OLFM4: variants seen among roughly 807,000 people sequenced by gnomAD.
OLFM4 encodes the protein olfactomedin 4, also known as olfactomedin-4.
OLFM4 carries 22 observed loss-of-function variants against 25.5 expected under a neutral mutation model. That is an observed-to-expected ratio of 0.86 (90% CI 0.62 to 1.23). The LOEUF (loss-of-function observed/expected upper bound fraction) is 1.23, where lower values mean the gene tolerates loss of function less well. Among genes scored for constraint, OLFM4 ranks in the 50% most tolerant of loss-of-function variants. OLFM4 has a pLI of 0.00. For missense variants in OLFM4, 594 were observed against 619.4 expected, an observed-to-expected ratio of 0.96 and a Z score of 0.44; for synonymous variants, 255 against 237.7, an observed-to-expected ratio of 1.07 and a Z score of -0.67.
intron 4 of OLFM4, 75 bp from the exon 5 acceptor site, chr13:53,049,894 C>A: frequency 2.2e-6 from 3 of 1,395,202 alleles, no homozygotes; most frequent in African/African-American, 1.4e-5. Context: ...TCCTTTGGTG[C>A]TTAGGATATT....
intron 4 of OLFM4, among the ~76,000 whole-genome samples, chr13:53,049,477 C>G (rs2138243323): frequency 6.6e-6 from 1 of 152,214 alleles, no homozygotes; most frequent in South Asian, 2.1e-4. Context: ...CTGGGAAAAT[C>G]TTCTCCCTCA....
At chr13:53,040,604 G>A (rs2138236637) in intron 2 of OLFM4, among the ~76,000 whole-genome samples, 1 of 152,318 alleles carries the variant, frequency 6.6e-6, no homozygotes, top group East Asian at 1.9e-4. Flanking sequence ...ATTTAGCAAT[G>A]CCCAGAGACA....
At chr13:53,040,927 A>G (rs1170245943) in intron 2 of OLFM4, among the ~76,000 whole-genome samples, 3 of 152,210 alleles carry the variant, frequency 2.0e-5, no homozygotes, top group Non-Finnish European at 4.4e-5. Context: ...ATAGTAAGAT[A>G]CCATCTCATA....
chr13:53,044,256 G>A (rs116602540), intron 4 of OLFM4, among the ~76,000 whole-genome samples: 104 of 152,276 alleles, frequency 6.8e-4, no homozygotes, highest in African/African-American at 2.4e-3. Flanking sequence ...GCCCTGCAAT[G>A]CATTCCTTCA....
chr13:53,040,465 T>C (rs568128044), intron 2 of OLFM4, among the ~76,000 whole-genome samples: 8 of 152,214 alleles, frequency 5.3e-5, no homozygotes, highest in Non-Finnish European at 1.0e-4. Flanking sequence ...TAATTGTATA[T>C]GGCGATCAAA....
At chr13:53,032,500 A>T (rs954403076) in intron 1 of OLFM4, among the ~76,000 whole-genome samples, 8 of 152,114 alleles carry the variant, frequency 5.3e-5, no homozygotes, top group Admixed American at 5.2e-4. Flanking sequence ...GGCCTCTCTG[A>T]TAGGTTCCTG....
rs373228105 is a variant in OLFM4 at position 53,043,225 on chromosome 13, G to T, written c.691G>T (p.Asp231Tyr). ...TKLKECEASK[D>Y]QNTPVVHPPP... ...GCTGAAAGAGTGTGAGGCCTCTAAA[G>T]ATCAAAACACCCCTGTCGTCCACCC... The change falls in exon 4 of 5, where the codon GAT becomes TAT. Residue 231 changes from aspartate (D) to tyrosine (Y), a missense_variant. Transcript: ENST00000219022. 6.2e-7 allele frequency: 1 copy of T among 1,611,158 alleles called. No individual in the cohort carries two copies. Among genetic ancestry groups the T allele is most frequent in the East Asian group, 2.2e-5 (1 of 44,762 alleles).
intron 4 of OLFM4, among the ~76,000 whole-genome samples, chr13:53,046,094 A>G (rs1015603952): frequency 6.6e-6 from 1 of 152,190 alleles, no homozygotes. Flanking sequence ...GTTGAACAGC[A>G]TATATCCAAC....
chr13:53,050,592 G>T lies in OLFM4; in HGVS notation c.1354G>T (p.Glu452Ter). 1 of 1,614,026 alleles carries T rather than the reference G, an allele frequency of 6.2e-7. No homozygotes were observed. Among genetic ancestry groups the T allele is most frequent in the South Asian group, 1.1e-5 (1 of 91,074 alleles). Residue 452 changes from glutamate to a stop codon, truncating the protein, a stop_gained, in exon 5 of 5, where the codon GAG becomes TAG. Transcript: ENST00000219022. LOFTEE classifies it high-confidence loss of function. ...CCGTACTATGAACACCAGAACAGAA[G>T]AGATTTTTTACTATTATGACACAAA... is the stretch of plus-strand genomic sequence containing the variant. ...ATRTMNTRTE[E>*]IFYYYDTNTG...
intron 1 of OLFM4, among the ~76,000 whole-genome samples, chr13:53,033,301 TA>T (rs1015854067): frequency 1.1e-4 from 16 of 152,132 alleles, no homozygotes; most frequent in South Asian, 4.1e-4. Flanking sequence ...AAACTTTTAT[TA>T]AAAAAAATTG....
rs573373213 is a variant in OLFM4, at chr13:53,040,734, A to G, written c.358-1176A>G. 7.2e-5 allele frequency among the ~76,000 whole-genome samples: 11 copies of G among 152,330 alleles called. No homozygotes were observed. The East Asian group carries it at 2.1e-3, about 29-fold the overall frequency. ...CACAAGAAATGACAATCCAGTCCCA[A>G]ATGCTAACAGTGCTGAGGTTGAGAA... is the stretch of plus-strand genomic sequence containing the variant. On this transcript the variant is annotated intron_variant, in intron 2 of 4. Coordinates refer to ENST00000219022, the MANE Select transcript of OLFM4 (RefSeq NM_006418.5).
chr13:53,034,991 C>A (rs760082513), intron 2 of OLFM4, among the ~76,000 whole-genome samples: 2 of 151,914 alleles, frequency 1.3e-5, no homozygotes, highest in Non-Finnish European at 2.9e-5. Flanking sequence ...TCAATCCTTG[C>A]CCTTATTCAT....
At chr13:53,034,076 A>G (rs9527050) in intron 1 of OLFM4, among the ~76,000 whole-genome samples, 43,822 of 142,060 alleles carry the variant, frequency 0.31, 7,826 homozygotes, top group East Asian at 0.47. Context: ...AAAAAAAAAA[A>G]AAAAAGCCTC....
chr13:53,042,192 T>C (rs1954691011), intron 3 of OLFM4, 70 bp downstream of exon 3: 1 of 1,293,350 alleles, frequency 7.7e-7, no homozygotes, highest in Non-Finnish European at 1.1e-6. Context: ...CAAGTACTAG[T>C]ACCAGGAAGT....
chr13:53,048,418 G>C (rs923300846), intron 4 of OLFM4, among the ~76,000 whole-genome samples: 1 of 152,138 alleles, frequency 6.6e-6, no homozygotes, highest in African/African-American at 2.4e-5. Context: ...ACCAACTGTG[G>C]ATTTATGAGA....
In OLFM4 at chr13:53,050,795, G is replaced by C; in HGVS notation, c.*24G>C. On this transcript the variant is annotated 3_prime_UTR_variant, in exon 5 of 5. Coordinates refer to ENST00000219022, the MANE Select transcript of OLFM4 (RefSeq NM_006418.5). Reference sequence around the variant, plus strand: ...AAGCTGTTTAGGAGTTAGGGTGAAAGAGAAAATGTTTGTTGAAAAAATAGT... The same window carrying C: ...AAGCTGTTTAGGAGTTAGGGTGAAACAGAAAATGTTTGTTGAAAAAATAGT... 1 of 1,536,628 alleles carries C rather than the reference G, an allele frequency of 6.5e-7. No individual in the cohort carries two copies. The highest frequency in any genetic ancestry group is 2.3e-5 in the East Asian group (1 of 44,350).
intron 1 of OLFM4, among the ~76,000 whole-genome samples, chr13:53,030,451 C>A (rs572016196): frequency 1.2e-4 from 18 of 152,140 alleles, no homozygotes; most frequent in African/African-American, 3.9e-4. Context: ...TACAGGCACC[C>A]GCCACCACGC....
Position 53,050,401 on chromosome 13 carries a change from A to T in OLFM4, c.1163A>T (p.Asp388Val). The change falls in exon 5 of 5, where the codon GAT becomes GTT. Residue 388 changes from aspartate (D) to valine (V), a missense_variant. Transcript: ENST00000219022. ...VAWQDIDFAV[D>V]ENGLWVIYST... ...TGGCAAGATATTGACTTTGCTGTGGATGAGAATGGATTGTGGGTTATTTAT... is the reference window on the plus strand; with the variant it reads ...TGGCAAGATATTGACTTTGCTGTGGTTGAGAATGGATTGTGGGTTATTTAT... 6.2e-7 allele frequency: 1 copy of T among 1,614,046 alleles called. No individual in the cohort carries two copies. Among genetic ancestry groups the T allele is most frequent in the Non-Finnish European group, 8.5e-7 (1 of 1,179,972 alleles).
At position 53,050,360 on chromosome 13, in the gene OLFM4, A is replaced by G. The variant is rs1954740403; in HGVS notation, c.1122A>G (p.Ser374=). Residue 374 remains serine (S), a synonymous_variant, in exon 5 of 5, where the codon TCA becomes TCG. Transcript: ENST00000219022. ...LPNAAYNNRF[S]YANVAWQDID... ...ATGCTGCCTATAATAACCGCTTTTC[A>G]TATGCTAATGTTGCTTGGCAAGATA... is the stretch of plus-strand genomic sequence containing the variant. 1.2e-6 allele frequency: 2 copies of G among 1,614,024 alleles called. No homozygotes were observed. Among genetic ancestry groups the G allele is most frequent in the South Asian group, 1.1e-5 (1 of 91,076 alleles).
Sources: gnomAD v4.1 joint callset for allele counts (sites outside exome capture counted in the v4.1 genomes callset) on GRCh38, gnomAD v4.1.1 for gene constraint, MANE v1.5 for transcripts, NCBI Gene and HGNC (gene_info 2026-07-23, HGNC 2026-07-21) for gene names.